Variants in ASIC2 observed in about 807,000 individuals in gnomAD.
The protein encoded by ASIC2 is acid sensing ion channel subunit 2, also known as acid-sensing ion channel 2.
A neutral mutation model predicts 57.3 loss-of-function variants in ASIC2; 25 were observed. The observed-to-expected ratio is 0.44, with a 90% confidence interval of 0.32 to 0.61. The LOEUF (loss-of-function observed/expected upper bound fraction) is 0.61. Among genes scored for constraint, ASIC2 ranks in the 20% least tolerant of loss-of-function variants. The pLI is 0.06. For missense variants in ASIC2, 641 were observed against 738.1 expected (o/e 0.87, Z 1.52); for synonymous variants, 319 against 307.5 (o/e 1.04, Z -0.39).
At chr17:33,117,668 C>G (rs1298435442) in intron 1 of ASIC2, among the ~76,000 whole-genome samples, 1 of 152,212 alleles carries the variant, frequency 6.6e-6, no homozygotes, top group African/African-American at 2.4e-5. Flanking sequence ...TCACTGACAG[C>G]TAGTCAAGTC....
intron 1 of ASIC2, among the ~76,000 whole-genome samples, chr17:33,251,475 G>T (rs1451435312): frequency 6.6e-6 from 1 of 152,100 alleles, no homozygotes; most frequent in East Asian, 1.9e-4. Flanking sequence ...GACTACAGGT[G>T]TATGCCACCA....
intron 1 of ASIC2, among the ~76,000 whole-genome samples, chr17:33,265,715 T>C (rs1226783727): frequency 6.6e-6 from 1 of 152,176 alleles, no homozygotes; most frequent in Admixed American, 6.5e-5. Context: ...CCAGCTCTCC[T>C]AGAAAGCCTT....
chr17:33,838,532 T>TGG (rs35373937), intron 1 of ASIC2, among the ~76,000 whole-genome samples: 3,855 of 152,262 alleles, frequency 0.025, 180 homozygotes, highest in African/African-American at 0.089. Context: ...GATGATGCAA[T>TGG]GGTGGTTGTG....
At chr17:33,947,640 T>C (rs1473987452) in intron 1 of ASIC2, among the ~76,000 whole-genome samples, 2 of 152,214 alleles carry the variant, frequency 1.3e-5, no homozygotes, top group Non-Finnish European at 2.9e-5. Flanking sequence ...TGGATAGCAG[T>C]CCAATAACTC....
intron 1 of ASIC2, among the ~76,000 whole-genome samples, chr17:33,276,324 G>A (rs974652790): frequency 6.6e-6 from 1 of 152,162 alleles, no homozygotes; most frequent in African/African-American, 2.4e-5. Context: ...GAATGAATAA[G>A]CTAAGGCATG....
intron 1 of ASIC2, among the ~76,000 whole-genome samples, chr17:33,745,164 C>A (rs1237743088): frequency 6.6e-6 from 1 of 152,102 alleles, no homozygotes; most frequent in Non-Finnish European, 1.5e-5. Flanking sequence ...CCTATCTTTC[C>A]CCTCCCACCC....
intron 1 of ASIC2, among the ~76,000 whole-genome samples, chr17:34,106,241 G>A (rs565026335): frequency 6.6e-6 from 1 of 152,248 alleles, no homozygotes; most frequent in South Asian, 2.1e-4. Context: ...CATTGGTGAT[G>A]TTAATTTGAT....
At chr17:33,262,577 C>T (rs1909324304) in intron 1 of ASIC2, among the ~76,000 whole-genome samples, 2 of 152,144 alleles carry the variant, frequency 1.3e-5, no homozygotes, top group Admixed American at 1.3e-4. Context: ...TTCTGGGCCC[C>T]AAGCACTTTC....
At chr17:33,718,980 C>T (rs1485476606) in intron 1 of ASIC2, among the ~76,000 whole-genome samples, 1 of 152,154 alleles carries the variant, frequency 6.6e-6, no homozygotes, top group Non-Finnish European at 1.5e-5. Context: ...GGCACTGGTC[C>T]AAGGCCAAGC....
chr17:33,461,464 G>A (rs528079562), intron 1 of ASIC2, among the ~76,000 whole-genome samples: 1 of 152,196 alleles, frequency 6.6e-6, no homozygotes, highest in Non-Finnish European at 1.5e-5. Flanking sequence ...ATTCCCCAGG[G>A]CCCTGCTTCT....
chr17:33,405,471 TTTTTCTTTTTTCTTTC>T (rs1910437613), intron 1 of ASIC2, among the ~76,000 whole-genome samples: 1 of 143,842 alleles, frequency 7.0e-6, no homozygotes, highest in South Asian at 2.2e-4. Flanking sequence ...TCTTTCTTTC[TTTTTCTTTTTTCTTTC>T]TTTTTTTTTT....
chr17:33,579,044 G>C (rs551331535), intron 1 of ASIC2, among the ~76,000 whole-genome samples: 49 of 152,228 alleles, frequency 3.2e-4, no homozygotes, highest in African/African-American at 1.2e-3. Flanking sequence ...CCAGCACTTT[G>C]GGAGGTCGAA....
Position 33,291,990 on chromosome 17 carries a change from T to A in ASIC2, c.126A>T (p.Arg42Ser). Residue 42 changes from arginine (R) to serine (S), a missense_variant, in exon 1 of 10, where the codon AGA (arginine) becomes AGT (serine). Around this residue, in one of 3 missense-constraint regions of ASIC2, gnomAD observed 382 missense variants for 398.0 expected, o/e 0.96. Transcript: ENST00000225823. ...LAAAGQPGGG[R>S]GGERALQGPG... ...GCCCCTGCAGCGCCCGCTCGCCGCC[T>A]CTGCCGCCCCCGGGCTGCCCGGCAG... is the stretch of plus-strand genomic sequence containing the variant. 7.8e-7 allele frequency: 1 copy of A among 1,279,668 alleles called. No homozygotes were observed. The highest frequency in any genetic ancestry group is 9.8e-7 in the Non-Finnish European group (1 of 1,022,854). The allele number at this position is 1,279,668 out of a possible 1,614,324, so 79.3% of individuals were successfully genotyped here.
At chr17:33,164,907 G>A (rs11649888) in intron 1 of ASIC2, among the ~76,000 whole-genome samples, 16,636 of 152,086 alleles carry the variant, frequency 0.11, 1,076 homozygotes, top group Non-Finnish European at 0.15. Context: ...ATGACAATCT[G>A]GGCCCCACTC....
intron 1 of ASIC2, among the ~76,000 whole-genome samples, chr17:33,113,622 C>G (rs1213476060): frequency 1.3e-5 from 2 of 152,186 alleles, no homozygotes; most frequent in East Asian, 1.9e-4. Context: ...TTGCAGGCTG[C>G]CTTTCTTATG....
chr17:33,455,670 C>A (rs1912424802), intron 1 of ASIC2, among the ~76,000 whole-genome samples: 1 of 152,196 alleles, frequency 6.6e-6, no homozygotes, highest in Admixed American at 6.5e-5. Context: ...TGGTTGCTAA[C>A]TTATGCCTGT....
At chr17:33,585,568 A>T (rs1904596925) in intron 1 of ASIC2, among the ~76,000 whole-genome samples, 1 of 152,184 alleles carries the variant, frequency 6.6e-6, no homozygotes, top group African/African-American at 2.4e-5. Context: ...AGGGAGAGTG[A>T]GGCACCTGCA....
At chr17:33,600,787 G>A (rs988187377) in intron 1 of ASIC2, among the ~76,000 whole-genome samples, 4 of 152,146 alleles carry the variant, frequency 2.6e-5, no homozygotes, top group African/African-American at 9.7e-5. Flanking sequence ...CAAAATCTTA[G>A]CAACTACTTG....
intron 1 of ASIC2, among the ~76,000 whole-genome samples, chr17:33,944,122 C>A (rs1404849906): frequency 2.0e-5 from 3 of 152,088 alleles, no homozygotes; most frequent in Admixed American, 1.3e-4. Flanking sequence ...GTCTGAAAAC[C>A]TGTATAAGGA....
Sources: gnomAD v4.1 joint callset for allele counts (sites outside exome capture counted in the v4.1 genomes callset) on GRCh38, gnomAD v4.1.1 for gene constraint, gnomAD v4.1.1 regional missense constraint, MANE v1.5 for transcripts, NCBI Gene and HGNC (gene_info 2026-07-23, HGNC 2026-07-21) for gene names.